Variants in ARMC8 observed in about 807,000 individuals in gnomAD.
ARMC8 encodes the protein armadillo repeat-containing protein 8.
A neutral mutation model predicts 99.3 loss-of-function variants in ARMC8; 20 were observed. That is an observed-to-expected ratio of 0.20 (90% CI 0.14 to 0.29). The LOEUF (loss-of-function observed/expected upper bound fraction) is 0.29, where lower values mean the gene tolerates loss of function less well. Among genes scored for constraint, ARMC8 ranks in the 10% least tolerant of loss-of-function variants. The probability of loss-of-function intolerance (pLI) is 1.00; values close to 1 mark genes in which losing one functional copy is unlikely to be tolerated. For missense variants in ARMC8, 569 were observed against 809.5 expected (o/e 0.70, Z 3.60); for synonymous variants, 263 against 278.3 (o/e 0.95, Z 0.55).
intron 6 of ARMC8, 176 bp downstream of exon 6, chr3:138,229,186 A>T (rs1213837198): frequency 1.9e-5 from 2 of 107,866 alleles, no homozygotes; most frequent in African/African-American, 8.4e-5. Context: ...ATATATATGT[A>T]TATGTATATG....
chr3:138,280,018 C>T (rs1359132605), intron 18 of ARMC8, among the ~76,000 whole-genome samples: 1 of 151,960 alleles, frequency 6.6e-6, no homozygotes, highest in Non-Finnish European at 1.5e-5. Context: ...TTTCTCCTGC[C>T]TCCACCTCCC....
At chr3:138,195,256 G>A (rs1190187833) in intron 1 of ARMC8, among the ~76,000 whole-genome samples, 1 of 149,514 alleles carries the variant, frequency 6.7e-6, no homozygotes, top group African/African-American at 2.5e-5. Flanking sequence ...CCGCAGTCCG[G>A]CCTGGGCGAC....
chr3:138,249,547 A>G (rs1175965365), intron 12 of ARMC8, among the ~76,000 whole-genome samples: 2 of 152,020 alleles, frequency 1.3e-5, no homozygotes, highest in African/African-American at 4.8e-5. Flanking sequence ...GTGAATCTGG[A>G]CCAGGTTTTC....
chr3:138,261,207 A>G (rs190229344), intron 12 of ARMC8, among the ~76,000 whole-genome samples: 2 of 152,336 alleles, frequency 1.3e-5, no homozygotes, highest in African/African-American at 4.8e-5. Context: ...TAAGGTCCCA[A>G]CTAGTTTAAT....
At chr3:138,264,004 G>A (rs1351028958) in intron 13 of ARMC8, 127 bp from the exon 14 acceptor site, 3 of 976,548 alleles carry the variant, frequency 3.1e-6, no homozygotes, top group African/African-American at 3.2e-5. Context: ...AAAGTGGTCT[G>A]ATGTAGTTCA....
At chr3:138,225,770 A>G (rs1485305688) in intron 5 of ARMC8, among the ~76,000 whole-genome samples, 2 of 152,192 alleles carry the variant, frequency 1.3e-5, no homozygotes, top group Non-Finnish European at 2.9e-5. Context: ...GGAGTCAGAG[A>G]TCTTATCCAG....
At chr3:138,211,080 T>G (rs2044668911) in intron 2 of ARMC8, among the ~76,000 whole-genome samples, 1 of 152,196 alleles carries the variant, frequency 6.6e-6, no homozygotes, top group African/African-American at 2.4e-5. Context: ...TAGACTAGTT[T>G]AATTATTACC....
intron 15 of ARMC8, among the ~76,000 whole-genome samples, chr3:138,269,272 C>T (rs1354797962): frequency 2.6e-5 from 4 of 152,098 alleles, no homozygotes; most frequent in African/African-American, 4.8e-5. Context: ...TTGCTTCTGA[C>T]GTTTCTATAA....
At chr3:138,262,735 G>C in intron 12 of ARMC8, 2 of 814,350 alleles carry the variant, frequency 2.5e-6, no homozygotes, top group South Asian at 6.1e-5. Context: ...CCAAGGTTAA[G>C]ATCTATTGGT....
Position 138,298,000 on chromosome 3 carries a change from CAG to C in ARMC8, c.*2110_*2111del, listed in dbSNP as rs2051633673. On this transcript the variant is annotated 3_prime_UTR_variant, in exon 22 of 22. Transcript: ENST00000469044. ...GATAAATTTTGCCTGTGGGTATAAA[CAG>C]ATGGTCAAATTAAAAATGCTTTACT... 1 of 152,210 alleles carries C rather than the reference CAG, an allele frequency of 6.6e-6. No individual in the cohort carries two copies. The highest frequency in any genetic ancestry group is 6.5e-5 in the Admixed American group (1 of 15,274). The allele number at this position is 152,210 out of a possible 1,614,324, so 9.4% of individuals were successfully genotyped here. A position where few individuals can be genotyped will look rare whatever the true frequency, so the allele number is the denominator to read the frequency against.
At chr3:138,269,020 G>A (rs1345136118) in intron 15 of ARMC8, among the ~76,000 whole-genome samples, 1 of 152,082 alleles carries the variant, frequency 6.6e-6, no homozygotes, top group Non-Finnish European at 1.5e-5. Flanking sequence ...CATGATGTAC[G>A]CATCCTACTT....
At chr3:138,292,023 T>G (rs1161102319) in intron 21 of ARMC8, among the ~76,000 whole-genome samples, 1 of 152,108 alleles carries the variant, frequency 6.6e-6, no homozygotes, top group African/African-American at 2.4e-5. Context: ...TTCCTTTTCC[T>G]TTTTCTTTTT....
intron 1 of ARMC8, among the ~76,000 whole-genome samples, chr3:138,199,968 A>T (rs1042827333): frequency 7.9e-5 from 12 of 152,124 alleles, no homozygotes; most frequent in Non-Finnish European, 1.5e-5. Context: ...GGATAGAAGG[A>T]GGTTCTGGGG....
chr3:138,230,556 G>A (rs2045978526), intron 6 of ARMC8, among the ~76,000 whole-genome samples: 1 of 152,120 alleles, frequency 6.6e-6, no homozygotes, highest in African/African-American at 2.4e-5. Context: ...CAGAGACTGA[G>A]GTGGGAAGAT....
chr3:138,234,889 T>G (rs918572505), intron 6 of ARMC8, 145 bp from the exon 7 acceptor site: 1 of 627,518 alleles, frequency 1.6e-6, no homozygotes, highest in African/African-American at 1.9e-5. Context: ...TTTGTGCTGC[T>G]TTTTGAGGTT....
chr3:138,224,328 C>G (rs1450691082), intron 5 of ARMC8, among the ~76,000 whole-genome samples: 1 of 152,126 alleles, frequency 6.6e-6, no homozygotes, highest in Non-Finnish European at 1.5e-5. Context: ...GCCTATAGTC[C>G]TAGCTCATGA....
rs2051535339 is a variant in ARMC8, at chr3:138,296,873, A to G, written c.*981A>G. On this transcript the variant is annotated 3_prime_UTR_variant, in exon 22 of 22. Transcript: ENST00000469044. ...AATTGCCCTAACTCCTGTCATTGGT[A>G]TTAGCAATATCTGGCCAGATTTAGA... 6.6e-6 allele frequency: 1 copy of G among 152,192 alleles called. No homozygotes were observed. Among genetic ancestry groups the G allele is most frequent in the Non-Finnish European group, 1.5e-5 (1 of 68,034 alleles). 9.4% of individuals were successfully genotyped at this position (152,192 alleles called of 1,614,324 possible).
intron 5 of ARMC8, among the ~76,000 whole-genome samples, chr3:138,227,719 G>T (rs2045767630): frequency 6.6e-6 from 1 of 152,050 alleles, no homozygotes; most frequent in Non-Finnish European, 1.5e-5. Context: ...TGTCTCTGGT[G>T]AGGATCCTCA....
chr3:138,253,856 A>G (rs1245585670), intron 12 of ARMC8, among the ~76,000 whole-genome samples: 1 of 152,206 alleles, frequency 6.6e-6, no homozygotes, highest in East Asian at 1.9e-4. Context: ...AAGTCTGTCC[A>G]CACTGAAAGC....
Sources: allele counts gnomAD v4.1 joint callset (sites outside exome capture counted in the v4.1 genomes callset), GRCh38; gene constraint gnomAD v4.1.1; transcripts MANE v1.5; gene names NCBI Gene and HGNC (gene_info 2026-07-23, HGNC 2026-07-21).